The following PCDHGA2 variants were observed in gnomAD, a reference collection of about 807,000 sequenced individuals.
The protein encoded by PCDHGA2 is protocadherin gamma subfamily A, 2, also known as protocadherin gamma-A2.
PCDHGA2 carries 40 observed loss-of-function variants against 59.2 expected under a neutral mutation model. That is an observed-to-expected ratio of 0.68 (90% CI 0.52 to 0.88). The LOEUF is 0.88. PCDHGA2 is among the 40% of genes least tolerant of loss of function. The probability of loss-of-function intolerance (pLI) is 0.00; values close to 1 mark genes in which losing one functional copy is unlikely to be tolerated. For synonymous variants in PCDHGA2, 560 were observed against 526.0 expected, an observed-to-expected ratio of 1.06 and a Z score of -0.89; for missense variants, 1,226 against 1,204.0, an observed-to-expected ratio of 1.02 and a Z score of -0.27.
intron 1 of PCDHGA2, chr5:141,413,563 A>G: frequency 6.2e-7 from 1 of 1,613,918 alleles, no homozygotes; most frequent in Non-Finnish European, 8.5e-7. Context: ...AGTAACTGAT[A>G]TCAATGACAA....
chr5:141,415,953 T>C, intron 1 of PCDHGA2: 3 of 486,080 alleles, frequency 6.2e-6, no homozygotes, highest in Non-Finnish European at 9.4e-6. Context: ...TGGTCACATA[T>C]TGAAACTCCA....
intron 1 of PCDHGA2, among the ~76,000 whole-genome samples, chr5:141,464,747 G>A (rs969116049): frequency 2.0e-5 from 3 of 151,812 alleles, no homozygotes; most frequent in Admixed American, 2.0e-4. Context: ...ATATCTTTTT[G>A]TTTTTTTAGA....
intron 1 of PCDHGA2, among the ~76,000 whole-genome samples, chr5:141,401,278 G>T (rs1355696847): frequency 6.6e-6 from 1 of 152,160 alleles, no homozygotes; most frequent in Non-Finnish European, 1.5e-5. Context: ...GCAGGTGGAG[G>T]TTGCGGTGAG....
chr5:141,440,572 GT>G (rs1233263525), intron 1 of PCDHGA2: 1 of 152,200 alleles, frequency 6.6e-6, no homozygotes, highest in Non-Finnish European at 1.5e-5. Context: ...GTATCTCTGA[GT>G]TTACCCAGCT....
intron 1 of PCDHGA2, chr5:141,365,140 T>A (rs1248275152): frequency 6.2e-7 from 1 of 1,613,764 alleles, no homozygotes; most frequent in African/African-American, 1.3e-5. Flanking sequence ...CGGATCCAGA[T>A]GAGGGAATAA....
intron 1 of PCDHGA2, chr5:141,433,139 T>G: frequency 6.2e-7 from 1 of 1,614,068 alleles, no homozygotes; most frequent in Non-Finnish European, 8.5e-7. Context: ...CCTTTTGCTG[T>G]CAGGTGATTC....
intron 1 of PCDHGA2, chr5:141,382,820 A>T (rs1369130732): frequency 3.1e-6 from 4 of 1,304,848 alleles, no homozygotes; most frequent in Non-Finnish European, 4.2e-6. Context: ...CCTTCCTAAG[A>T]CAGAGGGGTC....
intron 1 of PCDHGA2, chr5:141,345,155 A>AG: frequency 1.2e-6 from 2 of 1,614,040 alleles, no homozygotes; most frequent in Middle Eastern, 3.3e-4. Flanking sequence ...TGCATGACCG[A>AG]GATTCTGGGC....
chr5:141,410,091 G>C (rs778509378), intron 1 of PCDHGA2: 8 of 1,612,400 alleles, frequency 5.0e-6, no homozygotes, highest in South Asian at 1.1e-5. Context: ...CGCACGGCTC[G>C]AGCCTTAGGC....
intron 1 of PCDHGA2, chr5:141,361,134 C>T (rs774354989): frequency 4.3e-6 from 7 of 1,613,918 alleles, no homozygotes; most frequent in Non-Finnish European, 5.9e-6. Context: ...ACTGCAGTAT[C>T]CAAGTTGAAA....
intron 1 of PCDHGA2, among the ~76,000 whole-genome samples, chr5:141,381,193 T>C (rs1052848234): frequency 2.6e-5 from 4 of 152,260 alleles, no homozygotes; most frequent in African/African-American, 9.6e-5. Context: ...TAAGCTTTCT[T>C]AGTGTTAGTT....
chr5:141,352,202 C>G (rs147767080), intron 1 of PCDHGA2: 33,214 of 1,613,996 alleles, frequency 0.021, 406 homozygotes, highest in Non-Finnish European at 0.026. Context: ...TGGAGGACAG[C>G]CGCCACTCTC....
intron 1 of PCDHGA2, among the ~76,000 whole-genome samples, chr5:141,373,486 G>A (rs1769628161): frequency 1.3e-5 from 2 of 152,192 alleles, no homozygotes; most frequent in Non-Finnish European, 2.9e-5. Flanking sequence ...TTGTGCCCCT[G>A]CACTCTAGCC....
intron 1 of PCDHGA2, chr5:141,361,341 C>T (rs1561523324): frequency 6.2e-7 from 1 of 1,613,988 alleles, no homozygotes; most frequent in Non-Finnish European, 8.5e-7. Context: ...AGAACTATTA[C>T]AAACTAGTGA....
chr5:141,413,721 C>T (rs779673406), intron 1 of PCDHGA2: 1 of 1,613,592 alleles, frequency 6.2e-7, no homozygotes, highest in South Asian at 1.1e-5. Context: ...ATAAGCACTT[C>T]TCCCTAAGAG....
chr5:141,350,294 A>T, intron 1 of PCDHGA2: 2 of 1,510,364 alleles, frequency 1.3e-6, no homozygotes, highest in South Asian at 2.8e-5. Flanking sequence ...AATGATGAAA[A>T]GTCAGGTACT....
chr5:141,404,685 C>T (rs554522683), intron 1 of PCDHGA2: 1 of 1,614,010 alleles, frequency 6.2e-7, no homozygotes, highest in South Asian at 1.1e-5. Flanking sequence ...GTGGAGCTGG[C>T]ACCCCGCTCT....
chr5:141,351,159 AT>A, intron 1 of PCDHGA2: 1 of 1,614,042 alleles, frequency 6.2e-7, no homozygotes, highest in South Asian at 1.1e-5. Context: ...ATCACAACCA[AT>A]GGCACATTGG....
In PCDHGA2 at chr5:141,431,155, C is replaced by T; in HGVS notation, c.2425-63652C>T. On this transcript the variant is annotated intron_variant, in intron 1 of 3. Transcript: ENST00000394576. This position sits in a 1 kb window ranked among gnomAD's most constrained non-coding sequence, Gnocchi z 4.8. ...GGGACATTAACGACAATGCGCCTTA[C>T]TTTCGTGAAAGTGAATTAGAAATAA... is the stretch of plus-strand genomic sequence containing the variant. 6.2e-7 allele frequency: 1 copy of T among 1,614,212 alleles called. No homozygotes were observed. Among genetic ancestry groups the T allele is most frequent in the Non-Finnish European group, 8.5e-7 (1 of 1,180,032 alleles).
Sources: allele counts gnomAD v4.1 joint callset (sites outside exome capture counted in the v4.1 genomes callset), GRCh38; gene constraint gnomAD v4.1.1; non-coding constraint Gnocchi (gnomAD v3.1); transcripts MANE v1.5; gene names NCBI Gene and HGNC (gene_info 2026-07-23, HGNC 2026-07-21).